The following STXBP5L variants were observed in gnomAD, a reference collection of about 807,000 sequenced individuals.
The protein encoded by STXBP5L is syntaxin-binding protein 5-like.
STXBP5L carries 65 observed loss-of-function variants against 144.5 expected under a neutral mutation model. The ratio of observed to expected loss-of-function variants is 0.45; its 90% CI spans 0.37 to 0.55. The LOEUF (loss-of-function observed/expected upper bound fraction) is 0.55, where lower values mean the gene tolerates loss of function less well. Among genes scored for constraint, STXBP5L ranks in the 20% least tolerant of loss-of-function variants. STXBP5L has a pLI of 0.00. For synonymous variants in STXBP5L, 505 were observed against 469.6 expected, an observed-to-expected ratio of 1.08 and a Z score of -0.97; for missense variants, 1,298 against 1,405.5, an observed-to-expected ratio of 0.92 and a Z score of 1.22.
rs2044938375 is a variant in STXBP5L at position 121,345,762 on chromosome 3, A to T, written c.2176+27222A>T. Reference sequence around the variant, plus strand: ...ATTTGCATTTCTCTCATGACAAGTGATAATAAGCATTTTCTCATGTGTCTG... The same window carrying T: ...ATTTGCATTTCTCTCATGACAAGTGTTAATAAGCATTTTCTCATGTGTCTG... On this transcript the variant is annotated intron_variant, in intron 20 of 26. Coordinates refer to ENST00000471454, the MANE Select transcript of STXBP5L (RefSeq NM_001308330.2). Among the ~76,000 whole-genome samples the T allele has an allele frequency of 2.0e-5, 3 of 152,226 alleles. No homozygotes were observed. The South Asian group carries it at 6.2e-4, about 32-fold the overall frequency.
intron 7 of STXBP5L, among the ~76,000 whole-genome samples, chr3:121,150,273 T>C (rs1577066595): frequency 6.6e-6 from 1 of 152,152 alleles, no homozygotes; most frequent in East Asian, 1.9e-4. Flanking sequence ...TACTTGCTTC[T>C]ATTGTGAGAG....
At chr3:120,989,691 T>C (rs1942643554) in intron 3 of STXBP5L, among the ~76,000 whole-genome samples, 1 of 152,196 alleles carries the variant, frequency 6.6e-6, no homozygotes, top group African/African-American at 2.4e-5. Flanking sequence ...ACGTATTACG[T>C]ATTTTGAGGC....
intron 20 of STXBP5L, among the ~76,000 whole-genome samples, chr3:121,348,410 A>T (rs975752156): frequency 5.9e-5 from 9 of 151,886 alleles, no homozygotes; most frequent in African/African-American, 2.2e-4. Context: ...ATATTGGTCT[A>T]AAATTCTCTT....
chr3:120,945,623 G>A (rs1208106231), intron 2 of STXBP5L, among the ~76,000 whole-genome samples: 1 of 151,720 alleles, frequency 6.6e-6, no homozygotes, highest in Non-Finnish European at 1.5e-5. Flanking sequence ...GAGATGCATA[G>A]CCATGCCAAG....
Position 121,079,865 on chromosome 3 carries a change from A to G in STXBP5L, c.470+34330A>G, listed in dbSNP as rs1254115466. 3.3e-5 allele frequency among the ~76,000 whole-genome samples: 5 copies of G among 151,888 alleles called. No individual in the cohort carries two copies. In the East Asian group the frequency reaches 5.8e-4, roughly 18 times the overall value. On this transcript the variant is annotated intron_variant, in intron 5 of 26. Coordinates refer to ENST00000471454, the MANE Select transcript of STXBP5L (RefSeq NM_001308330.2). ...TTGTTCTAGGGTATAGTTTAAGTCT[A>G]TTGTTTCTTTGTTGACTCTCTGTCT... is the stretch of plus-strand genomic sequence containing the variant.
At chr3:120,953,923 AT>A in intron 2 of STXBP5L, among the ~76,000 whole-genome samples, 1 of 152,130 alleles carries the variant, frequency 6.6e-6, no homozygotes, top group Admixed American at 6.6e-5. Flanking sequence ...TCTTTCACTA[AT>A]TTTTATGATG....
chr3:121,285,921 A>G (rs1170608793), intron 19 of STXBP5L, among the ~76,000 whole-genome samples: 1 of 152,156 alleles, frequency 6.6e-6, no homozygotes, highest in African/African-American at 2.4e-5. Flanking sequence ...CCCACACCAC[A>G]GAGAGGTTAA....
intron 9 of STXBP5L, among the ~76,000 whole-genome samples, chr3:121,179,873 AT>A (rs2047075954): frequency 6.6e-6 from 1 of 152,144 alleles, no homozygotes; most frequent in South Asian, 2.1e-4. Flanking sequence ...AATTAACCCA[AT>A]CAGACAAAAA....
Position 121,421,632 on chromosome 3 carries a change from T to G in STXBP5L, c.*2535T>G, listed in dbSNP as rs987526371. ...CAAGATAAATTATTATACCCAAAAT[T>G]ACATGTGTGGTTCATATGCAATAAG... On this transcript the variant is annotated 3_prime_UTR_variant, in exon 27 of 27. Transcript: ENST00000471454. 6.6e-6 allele frequency: 1 copy of G among 152,180 alleles called. No homozygotes were observed. Among genetic ancestry groups the G allele is most frequent in the Non-Finnish European group, 1.5e-5 (1 of 68,020 alleles). The allele number at this position is 152,180 out of a possible 1,614,324, so 9.4% of individuals were successfully genotyped here.
chr3:121,142,119 A>G (rs1380892046), intron 7 of STXBP5L, among the ~76,000 whole-genome samples: 2 of 152,088 alleles, frequency 1.3e-5, no homozygotes. Context: ...AGGGATGGCT[A>G]TTATTATTGC....
intron 20 of STXBP5L, among the ~76,000 whole-genome samples, chr3:121,361,709 T>G (rs1201727601): frequency 6.7e-6 from 1 of 150,348 alleles, no homozygotes; most frequent in Non-Finnish European, 1.5e-5. Flanking sequence ...TATCTCGAAT[T>G]TTTTTTTTTA....
At chr3:121,120,807 TATAATC>T (rs1246186671) in intron 6 of STXBP5L, among the ~76,000 whole-genome samples, 1 of 151,442 alleles carries the variant, frequency 6.6e-6, no homozygotes, top group Non-Finnish European at 1.5e-5. Context: ...ACTGTGTTAA[TATAATC>T]ATAAGAATAA....
rs755874843 is a variant in STXBP5L, at chr3:120,909,567, A to G, written c.-8-4A>G. On this transcript the variant is annotated splice_region_variant and splice_polypyrimidine_tract_variant and intron_variant, in intron 1 of 26. Transcript: ENST00000471454. ...CCCTTTTTTTCCTTTGTATTTCTCA[A>G]CAGTGTTTAAAATGAAGAAGTTTAA... 2 of 1,611,036 alleles carry G rather than the reference A, an allele frequency of 1.2e-6. No individual in the cohort carries two copies. Among genetic ancestry groups the G allele is most frequent in the Admixed American group, 1.7e-5 (1 of 59,402 alleles).
chr3:121,384,654 C>T (rs771176872), intron 22 of STXBP5L, among the ~76,000 whole-genome samples: 4 of 151,166 alleles, frequency 2.6e-5, no homozygotes, highest in Non-Finnish European at 5.9e-5. Flanking sequence ...CCTTATAAAT[C>T]GTGAAGAAGG....
intron 19 of STXBP5L, among the ~76,000 whole-genome samples, chr3:121,317,900 G>A (rs1231198945): frequency 6.6e-6 from 1 of 151,914 alleles, no homozygotes; most frequent in Admixed American, 6.6e-5. Context: ...ATAAAATTTA[G>A]AATTTGTAGT....
chr3:121,350,879 T>C (rs2045252639), intron 20 of STXBP5L, among the ~76,000 whole-genome samples: 1 of 152,126 alleles, frequency 6.6e-6, no homozygotes, highest in Non-Finnish European at 1.5e-5. Flanking sequence ...TTTCAAGGTT[T>C]TTAACTTCTT....
At chr3:121,044,069 ATTATC>A (rs1947342592) in intron 4 of STXBP5L, among the ~76,000 whole-genome samples, 1 of 152,166 alleles carries the variant, frequency 6.6e-6, no homozygotes, top group Non-Finnish European at 1.5e-5. Context: ...AAACACAAAA[ATTATC>A]AAGGCTTATA....
At chr3:121,110,623 T>C (rs2043937910) in intron 5 of STXBP5L, among the ~76,000 whole-genome samples, 1 of 152,180 alleles carries the variant, frequency 6.6e-6, no homozygotes, top group South Asian at 2.1e-4. Context: ...CTTGCCTTTG[T>C]AGGTTACCTG....
intron 2 of STXBP5L, among the ~76,000 whole-genome samples, chr3:120,931,555 G>A (rs1477398774): frequency 6.6e-6 from 1 of 152,138 alleles, no homozygotes; most frequent in East Asian, 1.9e-4. Context: ...GTTAGAGGTT[G>A]CTTATTTTTT....
Sources: gnomAD v4.1 joint callset for allele counts (sites outside exome capture counted in the v4.1 genomes callset) on GRCh38, gnomAD v4.1.1 for gene constraint, MANE v1.5 for transcripts, NCBI Gene and HGNC (gene_info 2026-07-23, HGNC 2026-07-21) for gene names.